KLHL29: variants seen among roughly 807,000 people sequenced by gnomAD.
KLHL29 encodes kelch-like protein 29.
Under a neutral mutation model 80.4 loss-of-function variants are expected in KLHL29, and 21 were observed. The observed-to-expected ratio is 0.26, with a 90% CI of 0.19 to 0.38. The LOEUF is 0.38. KLHL29 is among the 10% of genes least tolerant of loss of function. The pLI, the probability that KLHL29 is intolerant of heterozygous loss-of-function variation, is 1.00. For synonymous variants in KLHL29, 511 were observed against 526.8 expected (o/e 0.97, Z 0.41); for missense variants, 867 against 1,223.9 (o/e 0.71, Z 4.35).
chr2:23,406,381 A>AATATTTTATC (rs1666734055), intron 1 of KLHL29, among the ~76,000 whole-genome samples: 1 of 151,644 alleles, frequency 6.6e-6, no homozygotes, highest in South Asian at 2.1e-4. Flanking sequence ...GATGATTGTT[A>AATATTTTATC]ATATTTTATC....
intron 2 of KLHL29, among the ~76,000 whole-genome samples, chr2:23,508,060 AGCCTCCCAGCAGGGGCCTG>A (rs1191530152): frequency 6.6e-6 from 1 of 152,152 alleles, no homozygotes; most frequent in African/African-American, 2.4e-5. Flanking sequence ...CCCTATTCTC[AGCCTCCCAGCAGGGGCCTG>A]GGTCTGAGGC....
At chr2:23,587,195 G>A (rs1386821307) in intron 3 of KLHL29, among the ~76,000 whole-genome samples, 1 of 151,856 alleles carries the variant, frequency 6.6e-6, no homozygotes, top group Non-Finnish European at 1.5e-5. Context: ...AAGGAAGCCA[G>A]GAGTTCATTT....
intron 3 of KLHL29, among the ~76,000 whole-genome samples, chr2:23,566,510 T>C (rs763979579): frequency 6.6e-6 from 1 of 152,224 alleles, no homozygotes; most frequent in Non-Finnish European, 1.5e-5. Context: ...TTCCATCTGC[T>C]CATCCACCCA....
chr2:23,646,335 C>G (rs899760629), intron 5 of KLHL29, among the ~76,000 whole-genome samples: 15 of 152,342 alleles, frequency 9.8e-5, no homozygotes, highest in Admixed American at 7.8e-4. Context: ...ATTTCTACCC[C>G]TGCCTTCTTT....
intron 2 of KLHL29, among the ~76,000 whole-genome samples, chr2:23,544,525 C>A (rs543850477): frequency 1.3e-5 from 2 of 152,252 alleles, no homozygotes; most frequent in African/African-American, 4.8e-5. Flanking sequence ...AGAAGCACTG[C>A]CCTTAGGGAA....
chr2:23,640,223 G>A (rs953429591), intron 4 of KLHL29, among the ~76,000 whole-genome samples: 9 of 152,172 alleles, frequency 5.9e-5, no homozygotes, highest in African/African-American at 2.2e-4. Context: ...TTCTGTTGCT[G>A]ACCCTACCCC....
rs934970493 is a variant in KLHL29, at chr2:23,695,553, C to A, written c.1543-70C>A. On this transcript the variant is annotated intron_variant, in intron 8 of 13. Coordinates refer to ENST00000486442, the MANE Select transcript of KLHL29 (RefSeq NM_052920.2). This position sits in a 1 kb window ranked among gnomAD's most constrained non-coding sequence, Gnocchi z 7.6. ...TATCCATTCTTGTGCAGCCCCACACCATTTCTTTCCGTCCGGGAGGTGGCT... is the reference window on the plus strand; with the variant it reads ...TATCCATTCTTGTGCAGCCCCACACAATTTCTTTCCGTCCGGGAGGTGGCT... 4.6e-6 allele frequency: 5 copies of A among 1,078,538 alleles called. No individual in the cohort carries two copies. The African/African-American group carries it at 7.9e-5, about 17-fold the overall frequency. The allele number at this position is 1,078,538 out of a possible 1,614,324, so 66.8% of individuals were successfully genotyped here.
At chr2:23,607,125 G>A (rs1410447112) in intron 3 of KLHL29, among the ~76,000 whole-genome samples, 1 of 152,166 alleles carries the variant, frequency 6.6e-6, no homozygotes, top group African/African-American at 2.4e-5. Context: ...TCACACTGGG[G>A]GTTAGGTTTT....
At chr2:23,640,937 C>T (rs1041732716) in intron 4 of KLHL29, among the ~76,000 whole-genome samples, 1 of 152,162 alleles carries the variant, frequency 6.6e-6, no homozygotes, top group Non-Finnish European at 1.5e-5. Context: ...CACCTCGGCG[C>T]CATTTTCTTT....
At chr2:23,698,076 C>G (rs1448104251) in intron 11 of KLHL29, 1 of 152,258 alleles carries the variant, frequency 6.6e-6, no homozygotes, top group African/African-American at 2.4e-5. Flanking sequence ...GAGACAAGCT[C>G]TACTCTTCCA....
chr2:23,468,572 A>G (rs990404917), intron 1 of KLHL29, among the ~76,000 whole-genome samples: 1 of 152,134 alleles, frequency 6.6e-6, no homozygotes, highest in East Asian at 1.9e-4. Context: ...ATCAGCAGCT[A>G]TATCTGTGGA....
At chr2:23,646,516 G>A (rs547501494) in intron 5 of KLHL29, among the ~76,000 whole-genome samples, 69 of 152,200 alleles carry the variant, frequency 4.5e-4, no homozygotes, top group Admixed American at 7.8e-4. Flanking sequence ...AGCAAAGCCC[G>A]TGTCAACCTG....
intron 2 of KLHL29, among the ~76,000 whole-genome samples, chr2:23,554,522 G>C (rs553849073): frequency 3.9e-5 from 6 of 152,308 alleles, no homozygotes; most frequent in Admixed American, 2.6e-4. Flanking sequence ...TGATAGGAAC[G>C]AGGAAAGGGT....
chr2:23,686,058 G>C (rs1671244470), intron 6 of KLHL29, among the ~76,000 whole-genome samples: 1 of 152,330 alleles, frequency 6.6e-6, no homozygotes, highest in East Asian at 1.9e-4. Flanking sequence ...ACACGTGCTA[G>C]GAGGGAACCC....
intron 2 of KLHL29, among the ~76,000 whole-genome samples, chr2:23,509,150 A>G (rs1361436293): frequency 1.3e-5 from 2 of 152,228 alleles, no homozygotes; most frequent in Non-Finnish European, 2.9e-5. Context: ...TCTACACAAG[A>G]GAAGGGCTCA....
intron 2 of KLHL29, among the ~76,000 whole-genome samples, chr2:23,493,092 C>T (rs376110826): frequency 3.9e-5 from 6 of 152,338 alleles, no homozygotes; most frequent in South Asian, 2.1e-4. Context: ...ACAGCCCTGT[C>T]GTCTTTGCCC....
At chr2:23,498,371 G>A (rs12986988) in intron 2 of KLHL29, among the ~76,000 whole-genome samples, 8 of 152,108 alleles carry the variant, frequency 5.3e-5, no homozygotes, top group South Asian at 2.1e-4. Context: ...TGGAGGCTGC[G>A]GCACCAGTGA....
At chr2:23,454,033 A>C (rs993583145) in intron 1 of KLHL29, among the ~76,000 whole-genome samples, 2 of 152,240 alleles carry the variant, frequency 1.3e-5, no homozygotes, top group Non-Finnish European at 2.9e-5. Flanking sequence ...TTAAAACAGC[A>C]AATGAGGAGG....
At chr2:23,618,414 C>T (rs962945759) in intron 3 of KLHL29, among the ~76,000 whole-genome samples, 4 of 152,128 alleles carry the variant, frequency 2.6e-5, no homozygotes, top group African/African-American at 9.7e-5. Context: ...CTCGCCCTCC[C>T]CAATGTGGGA....
Sources: allele counts gnomAD v4.1 joint callset (sites outside exome capture counted in the v4.1 genomes callset), GRCh38; gene constraint gnomAD v4.1.1; non-coding constraint Gnocchi (gnomAD v3.1); transcripts MANE v1.5; gene names NCBI Gene and HGNC (gene_info 2026-07-23, HGNC 2026-07-21).